The following BLK variants were observed in gnomAD, a reference collection of about 807,000 sequenced individuals.
BLK encodes the protein BLK proto-oncogene, Src family tyrosine kinase.
A neutral mutation model predicts 61.8 loss-of-function variants in BLK; 64 were observed. The ratio of observed to expected loss-of-function variants is 1.03; its 90% CI spans 0.85 to 1.27. The LOEUF (loss-of-function observed/expected upper bound fraction) is 1.27. Ranked by LOEUF, BLK falls within the 50% of genes most tolerant of loss-of-function variation. The pLI is 0.00. For missense variants in BLK, 853 were observed against 660.5 expected, an observed-to-expected ratio of 1.29 and a Z score of -3.19; for synonymous variants, 351 against 272.0, an observed-to-expected ratio of 1.29 and a Z score of -2.86.
chr8:11,528,497 C>T (rs1239695788), intron 1 of BLK, among the ~76,000 whole-genome samples: 1 of 152,178 alleles, frequency 6.6e-6, no homozygotes, highest in Non-Finnish European at 1.5e-5. Flanking sequence ...TAGTTTCAAT[C>T]CCCCTCACAC....
intron 1 of BLK, among the ~76,000 whole-genome samples, chr8:11,519,237 C>G (rs888795680): frequency 3.3e-5 from 5 of 152,176 alleles, no homozygotes; most frequent in African/African-American, 1.2e-4. Flanking sequence ...CTCTGGGACT[C>G]CCCTGGGTGC....
intron 10 of BLK, chr8:11,559,936 C>G: frequency 7.1e-6 from 3 of 424,456 alleles, no homozygotes; most frequent in Non-Finnish European, 1.4e-5. Flanking sequence ...TTCTTGAAAG[C>G]AGATCTGGGC....
chr8:11,550,100 T>C, intron 5 of BLK, 59 bp from the exon 6 acceptor site: 1 of 1,470,658 alleles, frequency 6.8e-7, no homozygotes, highest in Non-Finnish European at 9.5e-7. Flanking sequence ...GGAGGCTGTG[T>C]GGGAATACTC....
chr8:11,560,382 G>T (rs1801452404), intron 10 of BLK: 1 of 203,714 alleles, frequency 4.9e-6, no homozygotes, highest in Non-Finnish European at 9.5e-6. Context: ...TGGGTGGGTG[G>T]ATGGATGGAT....
chr8:11,512,582 C>G (rs1349601934), intron 1 of BLK, among the ~76,000 whole-genome samples: 4 of 152,220 alleles, frequency 2.6e-5, no homozygotes, highest in African/African-American at 9.6e-5. Flanking sequence ...TTTCCACCCT[C>G]TACTTTATAG....
At chr8:11,517,205 G>A (rs1186777917) in intron 1 of BLK, among the ~76,000 whole-genome samples, 10 of 152,168 alleles carry the variant, frequency 6.6e-5, no homozygotes. Flanking sequence ...CCCGGCTCTC[G>A]GCCAAGGCAG....
intron 1 of BLK, among the ~76,000 whole-genome samples, chr8:11,518,712 T>C (rs994610506): frequency 1.3e-5 from 2 of 152,104 alleles, no homozygotes; most frequent in Non-Finnish European, 2.9e-5. Flanking sequence ...AACCATACAA[T>C]GGTCCAACAC....
intron 1 of BLK, among the ~76,000 whole-genome samples, chr8:11,537,617 C>G (rs1246957238): frequency 1.3e-5 from 2 of 152,198 alleles, no homozygotes; most frequent in African/African-American, 4.8e-5. Flanking sequence ...GACAGTAACA[C>G]CCTCCAGCTG....
At chr8:11,534,644 G>A (rs1362808954) in intron 1 of BLK, among the ~76,000 whole-genome samples, 3 of 152,166 alleles carry the variant, frequency 2.0e-5, no homozygotes, top group Admixed American at 1.3e-4. Flanking sequence ...ATGGGGGGAG[G>A]TGAATTTCCA....
intron 1 of BLK, among the ~76,000 whole-genome samples, chr8:11,513,174 A>G (rs1324780019): frequency 2.0e-5 from 3 of 152,104 alleles, no homozygotes; most frequent in African/African-American, 7.2e-5. Context: ...AGCCTTACAG[A>G]GCATGCTGGG....
chr8:11,556,473 C>T lies in BLK; in HGVS notation c.773-185C>T, dbSNP rs182944590. The T allele has an allele frequency of 3.4e-5, 24 of 699,306 alleles. No individual in the cohort carries two copies. In the East Asian group the frequency reaches 5.8e-4, roughly 17 times the overall value. 43.3% of individuals were successfully genotyped at this position (699,306 alleles called of 1,614,324 possible). ...GGTACATTCCTCCACTGCCTGAGGC[C>T]CCATATAGAAGGGACCTGGAACGCA... On this transcript the variant is annotated intron_variant, in intron 8 of 12. Coordinates refer to ENST00000259089, the MANE Select transcript of BLK (RefSeq NM_001715.3).
chr8:11,531,762 C>T (rs1332546904), intron 1 of BLK, among the ~76,000 whole-genome samples: 1 of 152,192 alleles, frequency 6.6e-6, no homozygotes, highest in Non-Finnish European at 1.5e-5. Flanking sequence ...TCTCCCTGTG[C>T]TTCACTGTGG....
At chr8:11,535,371 T>C (rs9329246) in intron 1 of BLK, among the ~76,000 whole-genome samples, 56,092 of 151,420 alleles carry the variant, frequency 0.37, 11,306 homozygotes, top group East Asian at 0.73. Context: ...AAGGGATATA[T>C]TGCACAAAGC....
intron 2 of BLK, among the ~76,000 whole-genome samples, chr8:11,543,610 G>A (rs1446873943): frequency 1.3e-5 from 2 of 152,154 alleles, no homozygotes; most frequent in African/African-American, 4.8e-5. Context: ...GGGAGAGGGT[G>A]TCGTAAGGAA....
At chr8:11,545,058 A>G (rs1165052809) in intron 2 of BLK, among the ~76,000 whole-genome samples, 1 of 152,210 alleles carries the variant, frequency 6.6e-6, no homozygotes, top group African/African-American at 2.4e-5. Context: ...ATTTAGTTTC[A>G]TTATTCATGT....
At chr8:11,498,654 C>A (rs1000765857) in intron 1 of BLK, among the ~76,000 whole-genome samples, 5 of 152,128 alleles carry the variant, frequency 3.3e-5, no homozygotes, top group African/African-American at 1.2e-4. Context: ...CAAGGTTCAG[C>A]CCTGGCAATG....
At chr8:11,535,389 G>A (rs1174794723) in intron 1 of BLK, among the ~76,000 whole-genome samples, 1 of 152,232 alleles carries the variant, frequency 6.6e-6, no homozygotes, top group Non-Finnish European at 1.5e-5. Flanking sequence ...AGCATTAGCT[G>A]TGAATGACTG....
intron 3 of BLK, among the ~76,000 whole-genome samples, chr8:11,547,795 C>T (rs1021403368): frequency 1.3e-5 from 2 of 152,154 alleles, no homozygotes; most frequent in Non-Finnish European, 2.9e-5. Flanking sequence ...TCACACACGC[C>T]TTGTCCAGGT....
chr8:11,546,185 G>A (rs778356577), intron 3 of BLK, 82 bp downstream of exon 3: 1 of 1,521,190 alleles, frequency 6.6e-7, no homozygotes, highest in Non-Finnish European at 9.1e-7. Context: ...AAAAGGTTGA[G>A]TCAGGAGCAG....
Sources: allele counts gnomAD v4.1 joint callset (sites outside exome capture counted in the v4.1 genomes callset), GRCh38; gene constraint gnomAD v4.1.1; transcripts MANE v1.5; gene names NCBI Gene and HGNC (gene_info 2026-07-23, HGNC 2026-07-21).